Variants in UNC79 observed in about 807,000 individuals in gnomAD.
UNC79 encodes protein unc-79 homolog.
Under a neutral mutation model 283.1 loss-of-function variants are expected in UNC79, and 37 were observed. That is an observed-to-expected ratio of 0.13 (90% CI 0.10 to 0.17). The LOEUF is 0.17. UNC79 is among the 10% of genes least tolerant of loss of function. The probability of loss-of-function intolerance (pLI) is 1.00; values close to 1 mark genes in which losing one functional copy is unlikely to be tolerated. For synonymous variants in UNC79, 1,107 were observed against 1,200.2 expected (o/e 0.92, Z 1.61); for missense variants, 2,272 against 3,211.1 (o/e 0.71, Z 7.07).
At chr14:93,681,820 C>A (rs1412063501) in intron 41 of UNC79, among the ~76,000 whole-genome samples, 1 of 152,180 alleles carries the variant, frequency 6.6e-6, no homozygotes, top group Admixed American at 6.5e-5. Context: ...GTGAGAAACA[C>A]CTGTCAAAAT....
exon 24 of UNC79, chr14:93,597,418 C>T: frequency 6.2e-7 from 1 of 1,614,192 alleles, no homozygotes; most frequent in Non-Finnish European, 8.5e-7. Flanking sequence ...CAAAAACCAC[C>T]TGCTGAAGTA....
chr14:93,346,330 T>A (rs540671449), intron 1 of UNC79, among the ~76,000 whole-genome samples: 78 of 152,290 alleles, frequency 5.1e-4, no homozygotes, highest in Admixed American at 1.6e-3. Context: ...GTACTAAATT[T>A]AAAAATCACA....
In UNC79 at chr14:93,354,035, A is replaced by G. The variant is rs560424142; in HGVS notation, c.-351+20512A>G. Among the ~76,000 whole-genome samples, 55 of 152,344 alleles carry G rather than the reference A, an allele frequency of 3.6e-4. 1 individual carries two copies. In the South Asian group the frequency reaches 0.011, roughly 30 times the overall value. On this transcript the variant is annotated intron_variant, in intron 1 of 49. Coordinates refer to the UNC79 transcript ENST00000256339. ...AGTCACAGAAGTTATGTTTGCTAACATGTTATTTAAGTTGACCTGAACGAT... is the reference window on the plus strand; with the variant it reads ...AGTCACAGAAGTTATGTTTGCTAACGTGTTATTTAAGTTGACCTGAACGAT...
At chr14:93,385,544 C>T (rs2054753206) in intron 1 of UNC79, among the ~76,000 whole-genome samples, 1 of 151,962 alleles carries the variant, frequency 6.6e-6, no homozygotes, top group Non-Finnish European at 1.5e-5. Flanking sequence ...TTTGGGAGGC[C>T]GAGGTGGGCG....
chr14:93,588,769 G>A (rs1309806785), intron 22 of UNC79, among the ~76,000 whole-genome samples: 6 of 145,148 alleles, frequency 4.1e-5, no homozygotes, highest in South Asian at 2.3e-4. Flanking sequence ...AAAAAAAAGA[G>A]AGAGAAAATC....
intron 14 of UNC79, among the ~76,000 whole-genome samples, chr14:93,546,708 A>T (rs997026217): frequency 7.9e-5 from 12 of 152,180 alleles, no homozygotes; most frequent in African/African-American, 2.7e-4. Flanking sequence ...AACGATACAA[A>T]TTATAATCAT....
intron 1 of UNC79, among the ~76,000 whole-genome samples, chr14:93,409,731 T>C (rs1053939158): frequency 5.3e-5 from 8 of 151,826 alleles, no homozygotes; most frequent in African/African-American, 1.9e-4. Flanking sequence ...AAATAAAATA[T>C]CTAGATACAT....
At chr14:93,604,372 T>C (rs939926699) in intron 26 of UNC79, among the ~76,000 whole-genome samples, 27 of 152,216 alleles carry the variant, frequency 1.8e-4, no homozygotes, top group African/African-American at 5.1e-4. Flanking sequence ...TTCATTACAT[T>C]TTCTCTATTT....
chr14:93,395,817 T>C (rs973779805), intron 1 of UNC79, among the ~76,000 whole-genome samples: 2 of 152,232 alleles, frequency 1.3e-5, no homozygotes, highest in African/African-American at 4.8e-5. Flanking sequence ...TTTCTTTTTT[T>C]TGGGCTTTCA....
intron 1 of UNC79, among the ~76,000 whole-genome samples, chr14:93,366,653 A>G (rs918278059): frequency 6.6e-6 from 1 of 151,164 alleles, no homozygotes. Context: ...GCTGACTGCA[A>G]CCTCTGCCTC....
At chr14:93,565,680 A>G (rs2062835235) in intron 14 of UNC79, among the ~76,000 whole-genome samples, 1 of 151,776 alleles carries the variant, frequency 6.6e-6, no homozygotes. Flanking sequence ...CAGCAAACTA[A>G]CAGTCAGTAG....
chr14:93,634,725 A>G (rs997327509), intron 31 of UNC79, 88 bp downstream of exon 34: 151 of 1,236,910 alleles, frequency 1.2e-4, no homozygotes, highest in Non-Finnish European at 1.6e-4. Context: ...GTTAAAGAAT[A>G]GATTTTCTCT....
At chr14:93,486,713 C>G (rs989033515) in intron 4 of UNC79, among the ~76,000 whole-genome samples, 25 of 151,038 alleles carry the variant, frequency 1.7e-4, no homozygotes, top group Non-Finnish European at 3.4e-4. Context: ...ATGTATTTCC[C>G]CAAATGACTT....
At chr14:93,588,516 G>A (rs1261210456) in intron 22 of UNC79, among the ~76,000 whole-genome samples, 3 of 151,984 alleles carry the variant, frequency 2.0e-5, no homozygotes, top group African/African-American at 2.4e-5. Context: ...CGAGGCCGGC[G>A]GATCACGAGG....
At chr14:93,619,478 T>G (rs1368944749) in intron 29 of UNC79, among the ~76,000 whole-genome samples, 1 of 152,238 alleles carries the variant, frequency 6.6e-6, no homozygotes, top group Non-Finnish European at 1.5e-5. Context: ...ACTGCATTTT[T>G]CAAAGGATAT....
chr14:93,357,905 C>G (rs1420517564), intron 1 of UNC79, among the ~76,000 whole-genome samples: 12 of 26,732 alleles, frequency 4.5e-4, no homozygotes, highest in African/African-American at 1.3e-3. Context: ...AGATATATAT[C>G]TATATATATC....
chr14:93,500,374 A>G (rs1444801164), intron 7 of UNC79, among the ~76,000 whole-genome samples: 2 of 152,152 alleles, frequency 1.3e-5, no homozygotes, highest in East Asian at 3.8e-4. Context: ...GCTGCCCTCC[A>G]GGCACTGTCC....
intron 5 of UNC79, among the ~76,000 whole-genome samples, chr14:93,491,447 G>T (rs2058720513): frequency 6.6e-6 from 1 of 151,958 alleles, no homozygotes; most frequent in African/African-American, 2.4e-5. Flanking sequence ...TGCCAGTCTG[G>T]TCCAAATTTC....
chr14:93,387,822 C>A (rs1371725662), intron 1 of UNC79, among the ~76,000 whole-genome samples: 1 of 152,190 alleles, frequency 6.6e-6, no homozygotes, highest in African/African-American at 2.4e-5. Flanking sequence ...CTGTTCAGTA[C>A]TTAAAATAGG....
Sources: gnomAD v4.1 joint callset for allele counts (sites outside exome capture counted in the v4.1 genomes callset) on GRCh38, gnomAD v4.1.1 for gene constraint, MANE v1.5 for transcripts, NCBI Gene and HGNC (gene_info 2026-07-23, HGNC 2026-07-21) for gene names.